Variants in KCMF1 observed in about 807,000 individuals in gnomAD.
KCMF1 encodes the protein potassium channel modulatory factor 1.
In KCMF1, 3 loss-of-function variants were observed where a neutral mutation model predicts 41.1. That is an observed-to-expected ratio of 0.07 (90% confidence interval 0.03 to 0.19). The LOEUF (loss-of-function observed/expected upper bound fraction) is 0.19, where lower values mean the gene tolerates loss of function less well. Among genes scored for constraint, KCMF1 ranks in the 10% least tolerant of loss-of-function variants. The pLI is 1.00. For synonymous variants in KCMF1, 142 were observed against 164.5 expected (o/e 0.86, Z 1.04); for missense variants, 286 against 488.9 (o/e 0.58, Z 3.91).
Position 85,059,057 on chromosome 2 carries a change from C to G in KCMF1, c.*5648C>G, listed in dbSNP as rs1676005379. ...GGACTGGACCAACAGACACAGGCCT[C>G]AGCCACTGTCGCTAGGGACTGAAGG... is the stretch of plus-strand genomic sequence containing the variant. On this transcript the variant is annotated 3_prime_UTR_variant, in exon 7 of 7. Coordinates refer to ENST00000409785, the MANE Select transcript of KCMF1 (RefSeq NM_020122.5). 6.6e-6 allele frequency: 1 copy of G among 152,176 alleles called. No homozygotes were observed. Among genetic ancestry groups the G allele is most frequent in the African/African-American group, 2.4e-5 (1 of 41,434 alleles). The allele number at this position is 152,176 out of a possible 1,614,324, so 9.4% of individuals were successfully genotyped here. A position where few individuals can be genotyped will look rare whatever the true frequency, so the allele number is the denominator to read the frequency against.
intron 3 of KCMF1, among the ~76,000 whole-genome samples, chr2:85,037,596 T>C (rs1244084627): frequency 2.0e-5 from 3 of 152,270 alleles, no homozygotes; most frequent in African/African-American, 7.2e-5. Flanking sequence ...GTTTTGCATT[T>C]TTTAATTAGG....
chr2:85,019,369 G>A (rs539688128), intron 1 of KCMF1, among the ~76,000 whole-genome samples: 1 of 152,224 alleles, frequency 6.6e-6, no homozygotes, highest in Admixed American at 6.5e-5. Context: ...TTCTAAAGGG[G>A]ACAATGGGCT....
At chr2:85,052,364 C>T (rs1377978664) in intron 6 of KCMF1, among the ~76,000 whole-genome samples, 1 of 152,176 alleles carries the variant, frequency 6.6e-6, no homozygotes, top group East Asian at 1.9e-4. Context: ...AGCCACCGTG[C>T]CTGGCCAGAT....
At chr2:84,985,612 C>T (rs115706659) in intron 1 of KCMF1, among the ~76,000 whole-genome samples, 2,332 of 151,996 alleles carry the variant, frequency 0.015, 29 homozygotes, top group South Asian at 0.063. Context: ...AGGCGGCTCA[C>T]GAGGTCAGGA....
chr2:85,056,202 A>G lies in KCMF1; in HGVS notation c.*2793A>G, dbSNP rs181777588. The G allele has an allele frequency of 6.7e-4, 101 of 150,132 alleles. No individual in the cohort carries two copies. The highest frequency in any genetic ancestry group is 2.4e-3 in the African/African-American group (98 of 40,810). The allele number at this position is 150,132 out of a possible 1,614,324, so 9.3% of individuals were successfully genotyped here. ...TAATTAGGCTCAGGTAAAGTAAGAG[A>G]AAACTTCTCTCCCTGTGGCCCCCAG... On this transcript the variant is annotated 3_prime_UTR_variant, in exon 7 of 7. Transcript: ENST00000409785.
intron 2 of KCMF1, among the ~76,000 whole-genome samples, chr2:85,029,661 A>C (rs1398424151): frequency 2.0e-5 from 3 of 151,098 alleles, no homozygotes; most frequent in African/African-American, 7.3e-5. Context: ...AAAATATATA[A>C]ATGTTTCATG....
At chr2:85,012,515 T>A (rs1674677046) in intron 1 of KCMF1, among the ~76,000 whole-genome samples, 1 of 152,352 alleles carries the variant, frequency 6.6e-6, no homozygotes, top group East Asian at 1.9e-4. Flanking sequence ...TTTTCCGTAT[T>A]ACCGTATATC....
chr2:85,006,339 C>T (rs1350974367), intron 1 of KCMF1, among the ~76,000 whole-genome samples: 1 of 130,004 alleles, frequency 7.7e-6, no homozygotes, highest in African/African-American at 2.9e-5. Context: ...CTCGCACTCT[C>T]ACCCAGGCTG....
At chr2:84,977,137 C>T (rs1289331279) in intron 1 of KCMF1, among the ~76,000 whole-genome samples, 1 of 152,090 alleles carries the variant, frequency 6.6e-6, no homozygotes, top group Non-Finnish European at 1.5e-5. Flanking sequence ...TCTCAGCCTC[C>T]CAGAGTGTTG....
intron 6 of KCMF1, among the ~76,000 whole-genome samples, chr2:85,051,381 T>C (rs1675804613): frequency 6.6e-6 from 1 of 152,024 alleles, no homozygotes; most frequent in Non-Finnish European, 1.5e-5. Flanking sequence ...GTGGAATGTC[T>C]TGCCAGTGCC....
chr2:85,016,446 G>C (rs1463207218), intron 1 of KCMF1, among the ~76,000 whole-genome samples: 1 of 151,232 alleles, frequency 6.6e-6, no homozygotes, highest in African/African-American at 2.4e-5. Flanking sequence ...AAAAAAAACA[G>C]ACAAACCCTA....
chr2:84,976,893 A>T (rs991067958), intron 1 of KCMF1, among the ~76,000 whole-genome samples: 1 of 152,140 alleles, frequency 6.6e-6, no homozygotes, highest in Non-Finnish European at 1.5e-5. Flanking sequence ...CAAAAATTGT[A>T]TATATTTATC....
At chr2:84,981,839 C>A (rs931530843) in intron 1 of KCMF1, among the ~76,000 whole-genome samples, 16 of 152,078 alleles carry the variant, frequency 1.1e-4, no homozygotes, top group African/African-American at 3.9e-4. Context: ...AGTTCAGTAC[C>A]GCAGTATCAG....
chr2:85,015,473 G>C (rs1487533961), intron 1 of KCMF1, among the ~76,000 whole-genome samples: 1 of 152,182 alleles, frequency 6.6e-6, no homozygotes, highest in East Asian at 1.9e-4. Flanking sequence ...TCATGAGCAA[G>C]TCCATTGTTG....
intron 5 of KCMF1, among the ~76,000 whole-genome samples, chr2:85,047,382 ATGT>A (rs1675694602): frequency 6.6e-6 from 1 of 152,170 alleles, no homozygotes; most frequent in Non-Finnish European, 1.5e-5. Context: ...CCTATCTCAG[ATGT>A]TGTGCAAGGC....
intron 1 of KCMF1, among the ~76,000 whole-genome samples, chr2:84,992,623 G>T (rs937478929): frequency 1.1e-4 from 16 of 149,586 alleles, no homozygotes; most frequent in Middle Eastern, 3.3e-3. Flanking sequence ...TTTATATGTG[G>T]TTTTTTTTTG....
At chr2:85,025,671 C>T (rs1489161915) in intron 1 of KCMF1, among the ~76,000 whole-genome samples, 3 of 150,268 alleles carry the variant, frequency 2.0e-5, no homozygotes, top group African/African-American at 7.4e-5. Flanking sequence ...TGCAGTGGCG[C>T]AACCTCAGCT....
intron 1 of KCMF1, among the ~76,000 whole-genome samples, chr2:85,026,673 A>C (rs1675115434): frequency 6.6e-6 from 1 of 151,170 alleles, no homozygotes; most frequent in Admixed American, 6.6e-5. Context: ...ATTTTTTTGT[A>C]GACAGGATCT....
chr2:85,003,780 G>A (rs1296688038), intron 1 of KCMF1, among the ~76,000 whole-genome samples: 1 of 151,992 alleles, frequency 6.6e-6, no homozygotes, highest in Non-Finnish European at 1.5e-5. Context: ...ATATAAAATA[G>A]GGTCAAGTAC....
Sources: allele counts gnomAD v4.1 joint callset (sites outside exome capture counted in the v4.1 genomes callset), GRCh38; gene constraint gnomAD v4.1.1; transcripts MANE v1.5; gene names NCBI Gene and HGNC (gene_info 2026-07-23, HGNC 2026-07-21).